LINC00632: variants seen among roughly 807,000 people sequenced by gnomAD.
LINC00632 encodes ALDOA related specific transcript.
intron 2 of LINC00632, among the ~76,000 whole-genome samples, chrX:140,732,715 A>G (rs1198699795): frequency 9.0e-6 from 1 of 111,535 alleles, no homozygotes; most frequent in African/African-American, 3.3e-5. Flanking sequence ...TACATATGAA[A>G]AGCAGAGACA....
chrX:140,770,341 T>C, intron 3 of LINC00632, among the ~76,000 whole-genome samples: 1 of 111,951 alleles, frequency 8.9e-6, no homozygotes. Flanking sequence ...GAAAGTGACC[T>C]CTGGTCGTCC....
intron 2 of LINC00632, among the ~76,000 whole-genome samples, chrX:140,722,651 C>T (rs958988855): frequency 9.0e-5 from 10 of 111,007 alleles, no homozygotes; most frequent in Admixed American, 8.7e-4. Flanking sequence ...CCAGACACGC[C>T]TTATATCACC....
exon 4 of LINC00632, chrX:140,772,339 G>A (rs1327411395): frequency 1.4e-5 from 4 of 293,776 alleles, no homozygotes; most frequent in African/African-American, 8.4e-5. Context: ...GATCACACAC[G>A]TGTTGTCATA....
At chrX:140,717,927 G>A (rs770052990) in intron 2 of LINC00632, among the ~76,000 whole-genome samples, 1 of 110,610 alleles carries the variant, frequency 9.0e-6, no homozygotes, top group South Asian at 3.9e-4. Flanking sequence ...AGCTGAGGTC[G>A]GGAGTTCGAG....
At chrX:140,763,276 G>A (rs1171455564) in intron 3 of LINC00632, among the ~76,000 whole-genome samples, 1 of 108,534 alleles carries the variant, frequency 9.2e-6, no homozygotes. Flanking sequence ...AGTGGCGGGT[G>A]CCTGTAATCT....
exon 5 of LINC00632, among the ~76,000 whole-genome samples, chrX:140,776,683 A>G (rs1167834720): frequency 9.0e-6 from 1 of 111,017 alleles, no homozygotes; most frequent in African/African-American, 3.3e-5. Context: ...ACGTTTTTAC[A>G]CTGTCGGTGG....
intron 3 of LINC00632, among the ~76,000 whole-genome samples, chrX:140,741,250 A>G (rs1409780034): frequency 1.8e-5 from 2 of 112,341 alleles, no homozygotes; most frequent in African/African-American, 6.5e-5. Flanking sequence ...CTTGGAGCCT[A>G]CGTGGCAAGC....
At chrX:140,791,183 A>G (rs948302990) in exon 5 of LINC00632, among the ~76,000 whole-genome samples, 3 of 110,141 alleles carry the variant, frequency 2.7e-5, no homozygotes, top group African/African-American at 1.0e-4. Flanking sequence ...TTCTTGATTG[A>G]CTTATAATTT....
exon 5 of LINC00632, among the ~76,000 whole-genome samples, chrX:140,778,711 G>A (rs931653537): frequency 1.8e-5 from 2 of 110,355 alleles, no homozygotes; most frequent in Admixed American, 1.9e-4. Context: ...ACCAGAATTA[G>A]AGAAATAAAA....
chrX:140,716,289 G>C, intron 2 of LINC00632: 1 of 111,140 alleles, frequency 9.0e-6, no homozygotes, highest in South Asian at 3.9e-4. Flanking sequence ...TATCACCTTG[G>C]GTAAGTATAT....
intron 3 of LINC00632, among the ~76,000 whole-genome samples, chrX:140,735,812 T>C (rs1931135122): frequency 9.0e-6 from 1 of 111,530 alleles, no homozygotes. Context: ...ATGATCTGCC[T>C]GCCTTGGCCT....
intron 3 of LINC00632, chrX:140,764,771 G>C (rs953517987): frequency 5.4e-5 from 6 of 111,593 alleles, no homozygotes; most frequent in Non-Finnish European, 1.1e-4. Flanking sequence ...TTCCCTGAGC[G>C]GAGCGTCTTC....
At chrX:140,753,768 CTTTTTTTT>C (rs752596283) in intron 3 of LINC00632, among the ~76,000 whole-genome samples, 6 of 49,729 alleles carry the variant, frequency 1.2e-4, no homozygotes, top group African/African-American at 1.9e-4. Flanking sequence ...TTCTTTCTTT[CTTTTTTTT>C]TTTTTTTTTT....
At chrX:140,752,059 A>G (rs1326646034) in intron 3 of LINC00632, among the ~76,000 whole-genome samples, 1 of 111,162 alleles carries the variant, frequency 9.0e-6, no homozygotes, top group Non-Finnish European at 1.9e-5. Flanking sequence ...GGCTTCTTCC[A>G]GTTCTTTAGG....
exon 5 of LINC00632, among the ~76,000 whole-genome samples, chrX:140,782,026 T>C (rs1409813714): frequency 1.8e-5 from 2 of 112,357 alleles, no homozygotes; most frequent in Non-Finnish European, 3.8e-5. Flanking sequence ...GGCCAGTTCA[T>C]TGAGACTATG....
intron 3 of LINC00632, among the ~76,000 whole-genome samples, chrX:140,768,682 A>G (rs1931738371): frequency 1.0e-5 from 1 of 97,742 alleles, no homozygotes; most frequent in African/African-American, 3.7e-5. Flanking sequence ...AAATATACAT[A>G]CTATATAATA....
intron 2 of LINC00632, among the ~76,000 whole-genome samples, chrX:140,733,558 G>A (rs944160412): frequency 8.9e-6 from 1 of 112,138 alleles, no homozygotes; most frequent in African/African-American, 3.2e-5. Context: ...TGCTTAGAAT[G>A]TCATAGATGT....
intron 3 of LINC00632, among the ~76,000 whole-genome samples, chrX:140,748,447 CTT>C (rs1039940431): frequency 1.8e-5 from 2 of 111,431 alleles, no homozygotes; most frequent in African/African-American, 3.3e-5. Context: ...GTACAGATCT[CTT>C]TGTCTTTCTA....
At chrX:140,724,346 TACACAG>T (rs1316205409) in intron 2 of LINC00632, among the ~76,000 whole-genome samples, 1 of 52,693 alleles carries the variant, frequency 1.9e-5, no homozygotes, top group Admixed American at 2.3e-4. Flanking sequence ...TCCATACACA[TACACAG>T]ACATGCATTC....
Sources: allele counts gnomAD v4.1 joint callset (sites outside exome capture counted in the v4.1 genomes callset), GRCh38; gene constraint gnomAD v4.1.1; transcripts MANE v1.5; gene names NCBI Gene and HGNC (gene_info 2026-07-23, HGNC 2026-07-21).